Variants in HELLS observed in about 807,000 individuals in gnomAD.
HELLS encodes lymphoid-specific helicase.
HELLS carries 32 observed loss-of-function variants against 120.0 expected under a neutral mutation model. The observed-to-expected ratio is 0.27, with a 90% CI of 0.20 to 0.36. The LOEUF is 0.36. Ranked by LOEUF, HELLS falls within the 10% of genes least tolerant of loss-of-function variation. HELLS has a pLI of 1.00. For missense variants in HELLS, 650 were observed against 993.4 expected, an observed-to-expected ratio of 0.65 and a Z score of 4.65; for synonymous variants, 341 against 323.4, an observed-to-expected ratio of 1.05 and a Z score of -0.58.
intron 3 of HELLS, among the ~76,000 whole-genome samples, chr10:94,555,838 G>T (rs1351937655): frequency 2.0e-5 from 3 of 152,138 alleles, no homozygotes; most frequent in Non-Finnish European, 4.4e-5. Context: ...TGTTGCCGAG[G>T]CTTGTCTGGA....
At chr10:94,612,042 C>T (rs575148638) in exon 10 of HELLS, 3 of 152,222 alleles carry the variant, frequency 2.0e-5, no homozygotes, top group African/African-American at 7.2e-5. Flanking sequence ...ATGATTAAAC[C>T]ATCCTTTATT....
chr10:94,574,879 A>C (rs558127723), intron 9 of HELLS, 143 bp downstream of exon 9: 1 of 606,896 alleles, frequency 1.6e-6, no homozygotes, highest in Non-Finnish European at 2.8e-6. Context: ...CTCAATCTGC[A>C]CAATACCCTA....
downstream of HELLS, among the ~76,000 whole-genome samples, chr10:94,604,964 G>C (rs1846112305): frequency 6.7e-6 from 1 of 150,060 alleles, no homozygotes; most frequent in South Asian, 2.1e-4. Flanking sequence ...CATTCTTCTA[G>C]TTTGGACTGT....
At chr10:94,610,165 A>G (rs1002152739) in exon 10 of HELLS, 1 of 152,202 alleles carries the variant, frequency 6.6e-6, no homozygotes, top group East Asian at 1.9e-4. Flanking sequence ...TGTCTGCCTC[A>G]TAATTTCCAT....
At chr10:94,563,108 T>C (rs1420590956) in intron 6 of HELLS, among the ~76,000 whole-genome samples, 1 of 151,940 alleles carries the variant, frequency 6.6e-6, no homozygotes, top group Non-Finnish European at 1.5e-5. Flanking sequence ...CATAGACTTT[T>C]TTTTTTTTTT....
intron 3 of HELLS, among the ~76,000 whole-genome samples, chr10:94,556,547 G>A (rs961844920): frequency 1.3e-5 from 2 of 152,134 alleles, no homozygotes; most frequent in Non-Finnish European, 1.5e-5. Context: ...TAACAATCAT[G>A]ATAGTGGACA....
chr10:94,592,649 A>ATGTTTGTTTTTGAT, intron 17 of HELLS, 135 bp downstream of exon 17: 1 of 537,084 alleles, frequency 1.9e-6, no homozygotes, highest in Non-Finnish European at 2.9e-6. Flanking sequence ...TTTTATCAAA[A>ATGTTTGTTTTTGAT]ACAAACATTT....
chr10:94,568,105 T>G (rs1333271146), intron 6 of HELLS, among the ~76,000 whole-genome samples: 1 of 151,892 alleles, frequency 6.6e-6, no homozygotes, highest in Non-Finnish European at 1.5e-5. Context: ...AGATGGAGTT[T>G]CACCATTTTG....
chr10:94,563,311 GTCT>G (rs1843641413), intron 6 of HELLS, among the ~76,000 whole-genome samples: 1 of 152,040 alleles, frequency 6.6e-6, no homozygotes, highest in African/African-American at 2.4e-5. Context: ...GGCCAGGCTG[GTCT>G]TGAACTCCTG....
At chr10:94,590,133 A>T (rs974898030) in intron 13 of HELLS, among the ~76,000 whole-genome samples, 3 of 152,220 alleles carry the variant, frequency 2.0e-5, no homozygotes, top group African/African-American at 7.2e-5. Context: ...TCTGTACTGC[A>T]AATTTCCGGA....
chr10:94,573,546 A>G (rs1333340228), intron 7 of HELLS, among the ~76,000 whole-genome samples: 1 of 151,890 alleles, frequency 6.6e-6, no homozygotes, highest in African/African-American at 2.4e-5. Context: ...GGCTCACTGC[A>G]GCCTTGACTT....
At chr10:94,573,806 G>A (rs1844301666) in intron 7 of HELLS, among the ~76,000 whole-genome samples, 154 bp from the exon 8 acceptor site, 1 of 151,688 alleles carries the variant, frequency 6.6e-6, no homozygotes, top group African/African-American at 2.4e-5. Context: ...GAGGGATGGC[G>A]ATGTCTCCAG....
At position 94,554,114 on chromosome 10, in the gene HELLS, C is replaced by T. The variant is rs1206636654; in HGVS notation, c.154-12C>T. 1.3e-6 allele frequency: 2 copies of T among 1,544,238 alleles called. No homozygotes were observed. Among genetic ancestry groups the T allele is most frequent in the Admixed American group, 2.2e-5 (1 of 45,072 alleles). ...AAGTGTTCATAATTATGGAAATTTTCTCTTTGGATAGGCTCGCATGTCTTG... is the reference window on the plus strand; with the variant it reads ...AAGTGTTCATAATTATGGAAATTTTTTCTTTGGATAGGCTCGCATGTCTTG... On this transcript the variant is annotated splice_polypyrimidine_tract_variant and intron_variant, in intron 2 of 21. Coordinates refer to ENST00000348459, the MANE Select transcript of HELLS (RefSeq NM_018063.5).
intron 6 of HELLS, chr10:94,569,719 G>A (rs913245883): frequency 6.6e-6 from 1 of 152,088 alleles, no homozygotes; most frequent in African/African-American, 2.4e-5. Flanking sequence ...GTAGTGCAGG[G>A]ACTATAGGCA....
intron 12 of HELLS, among the ~76,000 whole-genome samples, chr10:94,583,273 A>G (rs762878601): frequency 1.6e-4 from 24 of 152,126 alleles, no homozygotes; most frequent in Non-Finnish European, 3.1e-4. Flanking sequence ...TTCAGATAGT[A>G]TACTCATTTT....
rs1845450958 is a variant in HELLS, at chr10:94,590,837, AGT to A, written c.1767+64_1767+65del. 7 of 960,272 alleles carry A rather than the reference AGT, an allele frequency of 7.3e-6. No homozygotes were observed. The South Asian group carries it at 1.5e-4, about 20-fold the overall frequency. 59.5% of individuals were successfully genotyped at this position (960,272 alleles called of 1,614,324 possible). A position where few individuals can be genotyped will look rare whatever the true frequency, so the allele number is the denominator to read the frequency against. ...TTCCATTACTTTTATATTGGTGGAA[AGT>A]GTTACTTTTTTTGATTATAATTATT... On this transcript the variant is annotated intron_variant, in intron 15 of 21. Coordinates refer to ENST00000348459, the MANE Select transcript of HELLS (RefSeq NM_018063.5).
intron 14 of HELLS, 40 bp from the exon 15 acceptor site, chr10:94,590,598 T>A (rs541835939): frequency 6.2e-7 from 1 of 1,608,124 alleles, no homozygotes; most frequent in South Asian, 1.1e-5. Context: ...ACTGTGACCA[T>A]TTTTTGCATT....
At chr10:94,580,437 C>T (rs1227726854) in intron 10 of HELLS, among the ~76,000 whole-genome samples, 3 of 151,932 alleles carry the variant, frequency 2.0e-5, no homozygotes, top group Admixed American at 6.6e-5. Context: ...CTGCCTCGGC[C>T]TCCCAAAGTG....
At chr10:94,560,089 G>A (rs1843476042) in intron 4 of HELLS, among the ~76,000 whole-genome samples, 2 of 152,056 alleles carry the variant, frequency 1.3e-5, no homozygotes, top group African/African-American at 2.4e-5. Context: ...CTGGGATGCA[G>A]TGGCGTGATT....
Sources: allele counts gnomAD v4.1 joint callset (sites outside exome capture counted in the v4.1 genomes callset), GRCh38; gene constraint gnomAD v4.1.1; transcripts MANE v1.5; gene names NCBI Gene and HGNC (gene_info 2026-07-23, HGNC 2026-07-21).